Variants in EYS observed in about 807,000 individuals in gnomAD.
EYS encodes the protein EGF-like photoreceptor maintenance factor.
A neutral mutation model predicts 282.1 loss-of-function variants in EYS; 250 were observed. That is an observed-to-expected ratio of 0.89 (90% CI 0.80 to 0.98). EYS has a LOEUF of 0.98. Among genes scored for constraint, EYS ranks in the 50% least tolerant of loss-of-function variants. EYS has a pLI of 0.00. For missense variants in EYS, 4,016 were observed against 3,709.0 expected, an observed-to-expected ratio of 1.08 and a Z score of -2.15; for synonymous variants, 1,355 against 1,282.9, an observed-to-expected ratio of 1.06 and a Z score of -1.20.
intron 31 of EYS, among the ~76,000 whole-genome samples, chr6:64,182,388 C>T (rs1014826439): frequency 9.2e-5 from 14 of 152,074 alleles, no homozygotes; most frequent in African/African-American, 3.1e-4. Context: ...CAACTAAATA[C>T]CAGAGGTGAG....
At chr6:65,595,835 T>G (rs1194627114) in intron 2 of EYS, among the ~76,000 whole-genome samples, 3 of 152,066 alleles carry the variant, frequency 2.0e-5, no homozygotes, top group African/African-American at 4.8e-5. Flanking sequence ...GAGTCTGGAT[T>G]GGATTTAAAG....
intron 31 of EYS, among the ~76,000 whole-genome samples, chr6:64,184,071 C>G (rs1764861349): frequency 6.6e-6 from 1 of 152,138 alleles, no homozygotes; most frequent in Admixed American, 6.6e-5. Flanking sequence ...AAAATCTTCT[C>G]ACTGTGTCCC....
Position 64,591,350 on chromosome 6 carries a change from G to A in EYS, c.4517C>T (p.Thr1506Ile), listed in dbSNP as rs1363169753. Residue 1506 changes from threonine (T) to isoleucine (I), a missense_variant, in exon 26 of 43, where the codon ACC becomes ATC. Transcript: ENST00000503581. ...PAKVIISKQV[T>I]ILNSSALHRF... is the part of the protein sequence containing the mutation. ...GTGCAGAGCTGATGAGTTTAAGATGGTTACCTGTTTAGATATAATTACCTT... is the reference window on the plus strand; with the variant it reads ...GTGCAGAGCTGATGAGTTTAAGATGATTACCTGTTTAGATATAATTACCTT... The A allele has an allele frequency of 3.2e-6, 5 of 1,551,308 alleles. No individual in the cohort carries two copies. Among genetic ancestry groups the A allele is most frequent in the Non-Finnish European group, 3.5e-6 (4 of 1,146,772 alleles).
intron 2 of EYS, among the ~76,000 whole-genome samples, chr6:65,503,895 T>C (rs1349375030): frequency 6.6e-6 from 1 of 151,656 alleles, no homozygotes; most frequent in Non-Finnish European, 1.5e-5. Flanking sequence ...GCAGAGTGTA[T>C]TCTCCAACCT....
intron 30 of EYS, among the ~76,000 whole-genome samples, chr6:64,243,087 A>G (rs1766889119): frequency 6.7e-6 from 1 of 148,544 alleles, no homozygotes; most frequent in Admixed American, 6.8e-5. Flanking sequence ...ATATTTACAT[A>G]TATGTAATAT....
intron 9 of EYS, among the ~76,000 whole-genome samples, chr6:65,353,229 AG>A (rs1764353935): frequency 6.7e-6 from 1 of 148,810 alleles, no homozygotes; most frequent in Admixed American, 7.7e-5. Context: ...AAATAGCTCT[AG>A]TTTACTTCAC....
At chr6:65,323,882 G>T (rs1274839701) in intron 11 of EYS, among the ~76,000 whole-genome samples, 1 of 150,690 alleles carries the variant, frequency 6.6e-6, no homozygotes, top group African/African-American at 2.4e-5. Flanking sequence ...TATCCCTCAG[G>T]GTAAAATCCA....
chr6:64,265,040 AAAAC>A (rs1472603580), intron 30 of EYS, among the ~76,000 whole-genome samples: 1 of 152,164 alleles, frequency 6.6e-6, no homozygotes, highest in Non-Finnish European at 1.5e-5. Context: ...TTATTGGAAT[AAAAC>A]AAAATTATCT....
chr6:65,434,725 C>T (rs1582286674), intron 5 of EYS, among the ~76,000 whole-genome samples: 1 of 152,168 alleles, frequency 6.6e-6, no homozygotes, highest in East Asian at 1.9e-4. Flanking sequence ...ACTTCTTCTC[C>T]TGAAAGATGC....
intron 31 of EYS, among the ~76,000 whole-genome samples, chr6:64,163,577 G>GAAAT (rs1159799576): frequency 6.7e-6 from 1 of 149,926 alleles, no homozygotes; most frequent in Non-Finnish European, 1.5e-5. Context: ...TTACTAAGAG[G>GAAAT]TTTTGAGAAA....
chr6:64,929,406 C>A (rs966659744), intron 15 of EYS, among the ~76,000 whole-genome samples: 2 of 152,094 alleles, frequency 1.3e-5, no homozygotes, highest in South Asian at 2.1e-4. Context: ...AAAATAAGGT[C>A]TTTAATACCT....
At chr6:65,029,428 C>T (rs1179714823) in intron 13 of EYS, among the ~76,000 whole-genome samples, 1 of 152,120 alleles carries the variant, frequency 6.6e-6, no homozygotes, top group East Asian at 1.9e-4. Context: ...CACATATACA[C>T]TCATATCAGA....
intron 22 of EYS, among the ~76,000 whole-genome samples, chr6:64,799,588 A>G (rs1774472487): frequency 6.6e-6 from 1 of 151,220 alleles, no homozygotes; most frequent in African/African-American, 2.4e-5. Context: ...AAATTGATCT[A>G]TGTAGAGTGA....
intron 26 of EYS, among the ~76,000 whole-genome samples, chr6:64,552,689 C>G (rs545923346): frequency 6.6e-6 from 1 of 152,010 alleles, no homozygotes; most frequent in African/African-American, 2.4e-5. Context: ...CCGAAGCTGA[C>G]AGATCATGAG....
chr6:65,291,284 A>G (rs926811319), intron 12 of EYS, among the ~76,000 whole-genome samples: 3 of 151,530 alleles, frequency 2.0e-5, no homozygotes, highest in Non-Finnish European at 3.0e-5. Context: ...AGTCAAAACC[A>G]TAATGATTAA....
chr6:64,091,143 G>T (rs1772343964), intron 31 of EYS, among the ~76,000 whole-genome samples: 1 of 151,994 alleles, frequency 6.6e-6, no homozygotes, highest in African/African-American at 2.4e-5. Flanking sequence ...TTGTAATATT[G>T]TAATTAACAT....
chr6:65,295,846 G>GA lies in EYS; in HGVS notation c.2023+16_2023+17insT, dbSNP rs1768646194. The stretch of plus-strand genomic sequence containing the variant: ...ATTTACTAGAAAATTTAATTTATCA[G>GA]GAAAAAAAAAACTTGCCTTTAAATC... On this transcript the variant is annotated intron_variant, in intron 12 of 42. Coordinates refer to ENST00000503581, the MANE Select transcript of EYS (RefSeq NM_001142800.2). 7.0e-7 allele frequency: 1 copy of GA among 1,436,374 alleles called. No homozygotes were observed. The highest frequency in any genetic ancestry group is 9.2e-7 in the Non-Finnish European group (1 of 1,081,664). 89.0% of individuals were successfully genotyped at this position (1,436,374 alleles called of 1,614,324 possible). A position where few individuals can be genotyped will look rare whatever the true frequency, so the allele number is the denominator to read the frequency against.
chr6:65,670,414 C>T (rs1045298583), intron 1 of EYS, among the ~76,000 whole-genome samples: 2 of 152,032 alleles, frequency 1.3e-5, no homozygotes, highest in African/African-American at 2.4e-5. Flanking sequence ...AAGGTTTCCT[C>T]ACTCTGTTCA....
At chr6:63,832,390 C>T (rs1317015221) in intron 36 of EYS, among the ~76,000 whole-genome samples, 1 of 152,062 alleles carries the variant, frequency 6.6e-6, no homozygotes, top group Non-Finnish European at 1.5e-5. Flanking sequence ...GGGATATCAC[C>T]ACCGATCCCA....
Sources: allele counts gnomAD v4.1 joint callset (sites outside exome capture counted in the v4.1 genomes callset), GRCh38; gene constraint gnomAD v4.1.1; transcripts MANE v1.5; gene names NCBI Gene and HGNC (gene_info 2026-07-23, HGNC 2026-07-21).